C2CD2L: variants seen among roughly 807,000 people sequenced by gnomAD.
The protein encoded by C2CD2L is C2CD2 like, also known as phospholipid transfer protein C2CD2L.
A neutral mutation model predicts 69.9 loss-of-function variants in C2CD2L; 24 were observed. That is an observed-to-expected ratio of 0.34 (90% CI 0.25 to 0.48). The LOEUF (loss-of-function observed/expected upper bound fraction) is 0.48, where lower values mean the gene tolerates loss of function less well. Ranked by LOEUF, C2CD2L falls within the 20% of genes least tolerant of loss-of-function variation. The pLI is 0.99. For synonymous variants in C2CD2L, 367 were observed against 391.0 expected (o/e 0.94, Z 0.72); for missense variants, 811 against 941.5 (o/e 0.86, Z 1.81).
In C2CD2L at chr11:119,114,380, G is replaced by A. The variant is rs200093783; in HGVS notation, c.1909+15G>A. Reference sequence around the variant, plus strand: ...GGATCACAAAGGTAGGGGGACGTTGGCAGGGTGCCCCTCATCTCTTCTTTT... The same window carrying A: ...GGATCACAAAGGTAGGGGGACGTTGACAGGGTGCCCCTCATCTCTTCTTTT... On this transcript the variant is annotated intron_variant, in intron 13 of 13. Coordinates refer to ENST00000648610, the MANE Select transcript of C2CD2L (RefSeq NM_001290474.2). This position sits in a 1 kb window ranked among gnomAD's most constrained non-coding sequence, Gnocchi z 5.1. 132 of 1,612,690 alleles carry A rather than the reference G, an allele frequency of 8.2e-5. No homozygotes were observed. The highest frequency in any genetic ancestry group is 4.9e-4 in the Middle Eastern group (3 of 6,080).
At position 119,107,445 on chromosome 11, in the gene C2CD2L, G is replaced by T; in HGVS notation, c.-297G>T. ...GACCAGTCCCCTCCAGGGTCCGGCG[G>T]GGCCCGCGCGGTGGGAGGAGTCGGG... On this transcript the variant is annotated 5_prime_UTR_variant, in exon 1 of 14. Coordinates refer to ENST00000648610, the MANE Select transcript of C2CD2L (RefSeq NM_001290474.2). The surrounding 1 kb of genome is among the most constrained non-coding windows in gnomAD (Gnocchi z 5.4). 2 of 287,364 alleles carry T rather than the reference G, an allele frequency of 7.0e-6. No homozygotes were observed. The highest frequency in any genetic ancestry group is 1.3e-5 in the Non-Finnish European group (2 of 155,412). The allele number at this position is 287,364 out of a possible 1,614,324, so 17.8% of individuals were successfully genotyped here.
Position 119,118,359 on chromosome 11 carries a change from TTC to T in C2CD2L, c.*2105_*2106del, listed in dbSNP as rs1194748551. On this transcript the variant is annotated 3_prime_UTR_variant, in exon 14 of 14. Coordinates refer to ENST00000648610, the MANE Select transcript of C2CD2L (RefSeq NM_001290474.2). ...GAGAATATGCCATATTTGACTTTGT[TTC>T]TGAGTTATTTCACCGAGGATAATGG... 2.6e-5 allele frequency: 4 copies of T among 152,232 alleles called. No individual in the cohort carries two copies. Among genetic ancestry groups the T allele is most frequent in the Non-Finnish European group, 5.9e-5 (4 of 68,040 alleles). 9.4% of individuals were successfully genotyped at this position (152,232 alleles called of 1,614,324 possible).
rs775548954 is a variant in C2CD2L at position 119,116,302 on chromosome 11, C to T, written c.*46C>T. 7.6e-6 allele frequency: 11 copies of T among 1,453,248 alleles called. No individual in the cohort carries two copies. Among genetic ancestry groups the T allele is most frequent in the Non-Finnish European group, 1.1e-5 (11 of 1,036,880 alleles). 90.0% of individuals were successfully genotyped at this position (1,453,248 alleles called of 1,614,324 possible). ...ACGAGTTCTCTCAGCCCATTCCCCA[C>T]CTCCCCTTCCATACCCCTTCCTGGA... On this transcript the variant is annotated 3_prime_UTR_variant, in exon 14 of 14. Coordinates refer to ENST00000648610, the MANE Select transcript of C2CD2L (RefSeq NM_001290474.2).
intron 10 of C2CD2L, 189 bp downstream of exon 10, chr11:119,113,063 C>T: frequency 1.6e-6 from 1 of 607,456 alleles, no homozygotes; most frequent in Non-Finnish European, 2.9e-6. Context: ...CCTGCCATTT[C>T]CCCAGCAATT....
rs779883449 is a variant in C2CD2L at position 119,114,289 on chromosome 11, G to A, written c.1833G>A (p.Arg611=). 6.2e-7 allele frequency: 1 copy of A among 1,614,188 alleles called. No homozygotes were observed. Among genetic ancestry groups the A allele is most frequent in the East Asian group, 2.2e-5 (1 of 44,886 alleles). ...CAACCCGTTCGGATATTTCTGAGAG[G>A]CCATCTGTGGATGATATTGAGTCGG... ...DETTRSDISE[R]PSVDDIESET... is the part of the protein sequence containing the mutation. Residue 611 remains arginine, a synonymous_variant, in exon 13 of 14, where the codon AGG becomes AGA. Coordinates refer to ENST00000648610, the MANE Select transcript of C2CD2L (RefSeq NM_001290474.2). The surrounding 1 kb of genome is among the most constrained non-coding windows in gnomAD (Gnocchi z 5.1).
Position 119,114,274 on chromosome 11 carries a change from G to C in C2CD2L, c.1818G>C (p.Ser606=). 1.2e-6 allele frequency: 2 copies of C among 1,614,152 alleles called. No homozygotes were observed. Among genetic ancestry groups the C allele is most frequent in the Non-Finnish European group, 1.7e-6 (2 of 1,180,028 alleles). ...AGGAAGCAGACGAGACAACCCGTTC[G>C]GATATTTCTGAGAGGCCATCTGTGG... is the stretch of plus-strand genomic sequence containing the variant. ...SVQEADETTR[S]DISERPSVDD... The change falls in exon 13 of 14, where the codon TCG becomes TCC. Residue 606 remains serine, a synonymous_variant. Transcript: ENST00000648610. The surrounding 1 kb of genome is among the most constrained non-coding windows in gnomAD (Gnocchi z 5.1).
In C2CD2L at chr11:119,107,933, C is replaced by G; in HGVS notation, c.192C>G (p.Gly64=). Reference sequence around the variant, plus strand: ...CCGCGGGTTCCCTGCGGGAGCTGGGCGTGTGGCGCTCGCTGCTGCGGCTGC... The same window carrying G: ...CCGCGGGTTCCCTGCGGGAGCTGGGGGTGTGGCGCTCGCTGCTGCGGCTGC... ...GEPAGSLREL[G]VWRSLLRLRA... The change falls in exon 1 of 14, where the codon GGC becomes GGG. Residue 64 remains glycine, a synonymous_variant. Transcript: ENST00000648610. This position sits in a 1 kb window ranked among gnomAD's most constrained non-coding sequence, Gnocchi z 5.4. 1 of 1,542,100 alleles carries G rather than the reference C, an allele frequency of 6.5e-7. No homozygotes were observed. Among genetic ancestry groups the G allele is most frequent in the Non-Finnish European group, 8.7e-7 (1 of 1,150,726 alleles).
chr11:119,105,517 A>T (rs1417372033), upstream of C2CD2L, among the ~76,000 whole-genome samples: 1 of 152,088 alleles, frequency 6.6e-6, no homozygotes, highest in African/African-American at 2.4e-5. Flanking sequence ...GCGCATGCCT[A>T]TAGTCCCAAC....
chr11:119,111,484 C>T, intron 6 of C2CD2L, 37 bp from the exon 7 acceptor site: 1 of 1,606,360 alleles, frequency 6.2e-7, no homozygotes, highest in South Asian at 1.1e-5. Flanking sequence ...CTTCCCATCT[C>T]TGATCTGAGC....
Position 119,117,334 on chromosome 11 carries a change from A to G in C2CD2L, c.*1078A>G, listed in dbSNP as rs1468678250. ...GTATGAAATTGTAGCAAAAAACTCA[A>G]TCAACTAGTACAGGTTAGTCTTCAT... On this transcript the variant is annotated 3_prime_UTR_variant, in exon 14 of 14. Coordinates refer to ENST00000648610, the MANE Select transcript of C2CD2L (RefSeq NM_001290474.2). 1 of 152,224 alleles carries G rather than the reference A, an allele frequency of 6.6e-6. No homozygotes were observed. Among genetic ancestry groups the G allele is most frequent in the Non-Finnish European group, 1.5e-5 (1 of 68,048 alleles). The allele number at this position is 152,224 out of a possible 1,614,324, so 9.4% of individuals were successfully genotyped here. A position where few individuals can be genotyped will look rare whatever the true frequency, so the allele number is the denominator to read the frequency against.
Position 119,108,388 on chromosome 11 carries a change from C to T in C2CD2L, c.354+293C>T, listed in dbSNP as rs1346796070. ...TGTGCCTGAGGGCACTTCCGCCTTG[C>T]CTGGGTGCTGGTTGTGTTGGGGCAT... is the stretch of plus-strand genomic sequence containing the variant. On this transcript the variant is annotated intron_variant, in intron 1 of 13. Coordinates refer to ENST00000648610, the MANE Select transcript of C2CD2L (RefSeq NM_001290474.2). 8.7e-6 allele frequency: 3 copies of T among 345,954 alleles called. No individual in the cohort carries two copies. In the South Asian group the frequency reaches 2.3e-4, roughly 27 times the overall value. 21.4% of individuals were successfully genotyped at this position (345,954 alleles called of 1,614,324 possible).
intron 13 of C2CD2L, chr11:119,115,184 G>T (rs532608240): frequency 6.7e-6 from 1 of 150,306 alleles, no homozygotes; most frequent in African/African-American, 2.5e-5. Flanking sequence ...GAACTGGGGG[G>T]TTGGAGGTTG....
upstream of C2CD2L, chr11:119,107,237 C>G (rs1019461277): frequency 6.6e-6 from 1 of 152,380 alleles, no homozygotes; most frequent in Non-Finnish European, 1.5e-5. The surrounding 1 kb of genome is among the most constrained non-coding windows in gnomAD (Gnocchi z 5.4). Context: ...CTCCTCCGCT[C>G]GCTGCTAGCC....
Position 119,109,348 on chromosome 11 carries a change from G to T in C2CD2L, c.355-756G>T, listed in dbSNP as rs938931687. On this transcript the variant is annotated intron_variant, in intron 1 of 13. Coordinates refer to ENST00000648610, the MANE Select transcript of C2CD2L (RefSeq NM_001290474.2). The surrounding 1 kb of genome is among the most constrained non-coding windows in gnomAD (Gnocchi z 5.1). ...TGTGTCCGCACTGCTCTCCAGGTGG[G>T]GCTGCGGTAGGTTGCTTCCATTACT... Among the ~76,000 whole-genome samples, 1 of 152,188 alleles carries T rather than the reference G, an allele frequency of 6.6e-6. No homozygotes were observed. The highest frequency in any genetic ancestry group is 1.5e-5 in the Non-Finnish European group (1 of 68,032).
At position 119,110,195 on chromosome 11, in the gene C2CD2L, C is replaced by T; in HGVS notation, c.446C>T (p.Thr149Ile). The change falls in exon 2 of 14, where the codon ACC becomes ATC. Residue 149 changes from threonine to isoleucine, a missense_variant. Thr to Ile is a moderately conservative substitution (Grantham distance 89, BLOSUM62 -1). Transcript: ENST00000648610. This position sits in a 1 kb window ranked among gnomAD's most constrained non-coding sequence, Gnocchi z 5.7. Reference protein sequence around the residue: ...HVTCVDQSEHTMVLRCQLSAE... With the variant: ...HVTCVDQSEHIMVLRCQLSAE... ...ACCTGCGTAGACCAATCTGAGCATA[C>T]CATGGTAAGGGTCTGATGGGCACTG... 6.2e-7 allele frequency: 1 copy of T among 1,610,446 alleles called. No individual in the cohort carries two copies. Among genetic ancestry groups the T allele is most frequent in the Non-Finnish European group, 8.5e-7 (1 of 1,176,680 alleles).
At chr11:119,112,917 C>T (rs368222650) in intron 10 of C2CD2L, 43 bp downstream of exon 10, 160 of 1,561,442 alleles carry the variant, frequency 1.0e-4, no homozygotes, top group Middle Eastern at 1.8e-4. Context: ...GCCAGGGGCC[C>T]GGGACTGCAG....
At chr11:119,112,962 T>A in intron 10 of C2CD2L, 88 bp downstream of exon 10, 1 of 1,057,920 alleles carries the variant, frequency 9.5e-7, no homozygotes, top group Non-Finnish European at 1.4e-6. Flanking sequence ...GAGAGAGCCT[T>A]AATTCCAACT....
In C2CD2L at chr11:119,114,150, A is replaced by T; in HGVS notation, c.1694A>T (p.Asp565Val). The change falls in exon 13 of 14, where the codon GAT becomes GTT. Residue 565 changes from aspartate (D) to valine (V), a missense_variant. Coordinates refer to ENST00000648610, the MANE Select transcript of C2CD2L (RefSeq NM_001290474.2). The surrounding 1 kb of genome is among the most constrained non-coding windows in gnomAD (Gnocchi z 5.1). Reference sequence around the variant, plus strand: ...GCATCCCTGGAAGCCTCAGTGCAGGATGATGCAGGGACCAGCGGAGGCCCC... The same window carrying T: ...GCATCCCTGGAAGCCTCAGTGCAGGTTGATGCAGGGACCAGCGGAGGCCCC... ...YAASLEASVQDDAGTSGGPSS... is the reference protein window; with the variant it reads ...YAASLEASVQVDAGTSGGPSS... 6.2e-7 allele frequency: 1 copy of T among 1,614,110 alleles called. No homozygotes were observed. The highest frequency in any genetic ancestry group is 1.3e-5 in the African/African-American group (1 of 75,042).
intron 7 of C2CD2L, chr11:119,112,124 A>G (rs1946758892): frequency 1.7e-6 from 1 of 574,926 alleles, no homozygotes; most frequent in Non-Finnish European, 3.1e-6. Flanking sequence ...ATTTGAATGC[A>G]TAGCTGAGAA....
Sources: allele counts gnomAD v4.1 joint callset (sites outside exome capture counted in the v4.1 genomes callset), GRCh38; gene constraint gnomAD v4.1.1; non-coding constraint Gnocchi (gnomAD v3.1); transcripts MANE v1.5; gene names NCBI Gene and HGNC (gene_info 2026-07-23, HGNC 2026-07-21).